Variants in SLC36A1 observed in about 807,000 individuals in gnomAD.
SLC36A1 encodes the protein proton-coupled amino acid transporter 1.
A neutral mutation model predicts 47.5 loss-of-function variants in SLC36A1; 30 were observed. The ratio of observed to expected loss-of-function variants is 0.63; its 90% confidence interval spans 0.47 to 0.86. The LOEUF (loss-of-function observed/expected upper bound fraction) is 0.86. Ranked by LOEUF, SLC36A1 falls within the 40% of genes least tolerant of loss-of-function variation. The pLI, the probability that SLC36A1 is intolerant of heterozygous loss-of-function variation, is 0.00. For synonymous variants in SLC36A1, 255 were observed against 249.7 expected (o/e 1.02, Z -0.20); for missense variants, 517 against 606.0 (o/e 0.85, Z 1.54).
At chr5:151,388,301 A>G in the SLC36A1 span, among the ~76,000 whole-genome samples, 1 of 152,124 alleles carries the variant, frequency 6.6e-6, no homozygotes, top group South Asian at 2.1e-4. Context: ...CGGGAATTCA[A>G]GACCAGACGG....
In SLC36A1 at chr5:151,478,905, T is replaced by A. The variant is rs76158599; in HGVS notation, c.990-415T>A. On this transcript the variant is annotated intron_variant, in intron 9 of 10. Coordinates refer to ENST00000243389, the MANE Select transcript of SLC36A1 (RefSeq NM_078483.4). ...TGCTTTTTTCACTTAAAAAAAGTGA[T>A]ATAAAACTGTCCCCATGATAGTGAT... Among the ~76,000 whole-genome samples the A allele has an allele frequency of 1.5e-4, 23 of 152,352 alleles. No homozygotes were observed. The East Asian group carries it at 4.2e-3, about 28-fold the overall frequency.
Position 151,488,098 on chromosome 5 carries a change from C to T in SLC36A1, c.1275C>T (p.Tyr425=), listed in dbSNP as rs1759803714. 1 of 1,614,098 alleles carries T rather than the reference C, an allele frequency of 6.2e-7. No homozygotes were observed. Among genetic ancestry groups the T allele is most frequent in the African/African-American group, 1.3e-5 (1 of 74,934 alleles). The stretch of plus-strand genomic sequence containing the variant: ...CGCTCCTGGAGGTCACCACCTTCTA[C>T]TCAGAGGGCATGAGCCCCCTCACCA... ...IPPLLEVTTF[Y]SEGMSPLTIF... The change falls in exon 11 of 11, where the codon TAC becomes TAT. Residue 425 remains tyrosine (Y), a synonymous_variant. Transcript: ENST00000243389.
the SLC36A1 span, chr5:151,507,366 T>G: frequency 6.2e-7 from 1 of 1,614,206 alleles, no homozygotes; most frequent in East Asian, 2.2e-5. Context: ...TGGGTTGAGC[T>G]CGATGGCAGG....
At chr5:151,391,202 C>T in the SLC36A1 span, among the ~76,000 whole-genome samples, 1 of 151,826 alleles carries the variant, frequency 6.6e-6, no homozygotes, top group East Asian at 1.9e-4. Flanking sequence ...TGATTTGGCT[C>T]TCTGTCTGTT....
At chr5:151,507,618 AG>A in the SLC36A1 span, 1 of 1,477,038 alleles carries the variant, frequency 6.8e-7, no homozygotes, top group African/African-American at 2.7e-5. Context: ...ACACCTGCGG[AG>A]ACAGAGTAGT....
At chr5:151,373,990 G>A in the SLC36A1 span, among the ~76,000 whole-genome samples, 3,062 of 152,266 alleles carry the variant, frequency 0.02, 111 homozygotes, top group African/African-American at 0.07. Context: ...GTATGTATGC[G>A]TGAAAGATTC....
At chr5:151,542,367 C>T in the SLC36A1 span, 1 of 1,614,186 alleles carries the variant, frequency 6.2e-7, no homozygotes, top group East Asian at 2.2e-5. Context: ...GTTCGCCAGG[C>T]TCACTGTTCT....
Position 151,467,095 on chromosome 5 carries a change from C to T in SLC36A1, c.420-104C>T, listed in dbSNP as rs188736050. 12 of 826,378 alleles carry T rather than the reference C, an allele frequency of 1.5e-5. No individual in the cohort carries two copies. The East Asian group carries it at 3.0e-4, about 20-fold the overall frequency. The allele number at this position is 826,378 out of a possible 1,614,324, so 51.2% of individuals were successfully genotyped here. A position where few individuals can be genotyped will look rare whatever the true frequency, so the allele number is the denominator to read the frequency against. On this transcript the variant is annotated intron_variant, in intron 5 of 10. Transcript: ENST00000243389. Reference sequence around the variant, plus strand: ...TCCATTTAACAAAACAGCACTTGTACTCCCTAAATCTATTAAAAAACAAAA... The same window carrying T: ...TCCATTTAACAAAACAGCACTTGTATTCCCTAAATCTATTAAAAAACAAAA...
chr5:151,430,025 A>G, the SLC36A1 span, among the ~76,000 whole-genome samples: 2 of 152,100 alleles, frequency 1.3e-5, no homozygotes, highest in African/African-American at 2.4e-5. Flanking sequence ...TCATGCATTC[A>G]TTTTGCAAAC....
chr5:151,393,996 A>T, the SLC36A1 span, among the ~76,000 whole-genome samples: 1 of 152,036 alleles, frequency 6.6e-6, no homozygotes, highest in Non-Finnish European at 1.5e-5. Flanking sequence ...CCTACAGAGT[A>T]TTTTCCAACT....
chr5:151,479,960 G>T (rs754231938), intron 10 of SLC36A1: 31 of 640,148 alleles, frequency 4.8e-5, no homozygotes, highest in Non-Finnish European at 8.1e-5. Flanking sequence ...TTTAATGTCA[G>T]TCTTACTAAA....
chr5:151,439,624 G>C (rs1032208544), intron 1 of SLC36A1, among the ~76,000 whole-genome samples: 9 of 149,576 alleles, frequency 6.0e-5, no homozygotes, highest in African/African-American at 1.2e-4. Context: ...CTGCACTCCA[G>C]CCAGGGCAAC....
At chr5:151,532,888 A>G in the SLC36A1 span, among the ~76,000 whole-genome samples, 1 of 152,236 alleles carries the variant, frequency 6.6e-6, no homozygotes, top group African/African-American at 2.4e-5. Context: ...TGACAGGAGT[A>G]GCCTCTGAGA....
the SLC36A1 span, chr5:151,380,564 T>G: frequency 9.2e-6 from 5 of 542,730 alleles, no homozygotes; most frequent in South Asian, 7.0e-5. Context: ...ATAAAGAAAC[T>G]GGACATGCGT....
At chr5:151,399,104 T>TTTTTTTA in the SLC36A1 span, among the ~76,000 whole-genome samples, 2 of 119,140 alleles carry the variant, frequency 1.7e-5, no homozygotes, top group Non-Finnish European at 3.4e-5. Context: ...TTTTTTTTTT[T>TTTTTTTA]GAGACAGAGT....
chr5:151,534,326 A>T, the SLC36A1 span: 1 of 1,114,658 alleles, frequency 9.0e-7, no homozygotes, highest in Non-Finnish European at 1.3e-6. Context: ...TACCAGTCCT[A>T]GAGAGACACA....
At chr5:151,513,095 G>T in the SLC36A1 span, among the ~76,000 whole-genome samples, 3 of 152,184 alleles carry the variant, frequency 2.0e-5, no homozygotes, top group East Asian at 5.8e-4. Flanking sequence ...ATTTGCCTTT[G>T]TTTTCTCACA....
the SLC36A1 span, among the ~76,000 whole-genome samples, chr5:151,418,977 T>G: frequency 3.3e-5 from 5 of 152,134 alleles, no homozygotes; most frequent in African/African-American, 9.7e-5. Context: ...GTTCTTGTGA[T>G]AATGAGTGGG....
chr5:151,503,919 C>T, the SLC36A1 span, among the ~76,000 whole-genome samples: 42 of 152,016 alleles, frequency 2.8e-4, no homozygotes, highest in African/African-American at 9.2e-4. Flanking sequence ...TGGGCCCCAC[C>T]CCCAGAAGTT....
Sources: gnomAD v4.1 joint callset for allele counts (sites outside exome capture counted in the v4.1 genomes callset) on GRCh38, gnomAD v4.1.1 for gene constraint, MANE v1.5 for transcripts, NCBI Gene and HGNC (gene_info 2026-07-23, HGNC 2026-07-21) for gene names.